The following OPCML variants were observed in gnomAD, a reference collection of about 807,000 sequenced individuals.
The protein encoded by OPCML is opioid-binding protein/cell adhesion molecule.
In OPCML, 13 loss-of-function variants were observed where a neutral mutation model predicts 37.8. The ratio of observed to expected loss-of-function variants is 0.34; its 90% CI spans 0.22 to 0.55. The LOEUF (loss-of-function observed/expected upper bound fraction) is 0.55, where lower values mean the gene tolerates loss of function less well. Ranked by LOEUF, OPCML falls within the 20% of genes least tolerant of loss-of-function variation. OPCML has a pLI of 0.91. For synonymous variants in OPCML, 176 were observed against 168.8 expected, an observed-to-expected ratio of 1.04 and a Z score of -0.33; for missense variants, 341 against 435.6, an observed-to-expected ratio of 0.78 and a Z score of 1.93.
intron 2 of OPCML, among the ~76,000 whole-genome samples, chr11:132,675,159 G>A (rs987243386): frequency 2.0e-5 from 2 of 101,514 alleles, no homozygotes; most frequent in African/African-American, 7.6e-5. Context: ...ATATGTATGT[G>A]TGTGTGTGTG....
At chr11:132,789,660 T>C (rs1004829555) in intron 2 of OPCML, among the ~76,000 whole-genome samples, 1 of 152,148 alleles carries the variant, frequency 6.6e-6, no homozygotes, top group Admixed American at 6.5e-5. Flanking sequence ...ATATTTTGCA[T>C]GGGAGGAAAT....
intron 1 of OPCML, among the ~76,000 whole-genome samples, chr11:132,967,074 A>G (rs1264766712): frequency 6.6e-6 from 1 of 152,020 alleles, no homozygotes; most frequent in Non-Finnish European, 1.5e-5. Context: ...TACGTGTCAC[A>G]TGCCTTTTTT....
chr11:132,892,238 T>C (rs775216157), intron 2 of OPCML, among the ~76,000 whole-genome samples: 2 of 151,976 alleles, frequency 1.3e-5, no homozygotes, highest in Non-Finnish European at 2.9e-5. Context: ...AAGGCAGACT[T>C]CTCCCCTAGA....
At chr11:132,613,455 C>T (rs559374157) in intron 3 of OPCML, among the ~76,000 whole-genome samples, 2 of 152,342 alleles carry the variant, frequency 1.3e-5, no homozygotes, top group East Asian at 3.9e-4. Context: ...ACAAAGCCAG[C>T]TAATTGATTT....
rs12222380 is a variant in OPCML, at chr11:132,446,219, G to A, written c.506-8860C>T. On this transcript the variant is annotated intron_variant, in intron 4 of 7. Transcript: ENST00000524381. ...GTTGACTCATTGGGAGTGGTTCTGA[G>A]TGAGTGTCACAGAAACAGCCAGGGT... Among the ~76,000 whole-genome samples the A allele has an allele frequency of 7.4e-4, 110 of 148,222 alleles. 3 individuals carry two copies. The highest frequency in any genetic ancestry group is 6.7e-3 in the Admixed American group (99 of 14,758).
chr11:132,727,410 G>T (rs1944924584), intron 2 of OPCML, among the ~76,000 whole-genome samples: 1 of 152,170 alleles, frequency 6.6e-6, no homozygotes. Flanking sequence ...AAAACAAACA[G>T]GCGTGGAGGC....
chr11:132,645,902 G>T (rs1159284503), intron 3 of OPCML, among the ~76,000 whole-genome samples: 1 of 152,238 alleles, frequency 6.6e-6, no homozygotes, highest in Non-Finnish European at 1.5e-5. Flanking sequence ...AAGGTCTATT[G>T]GACAGTACTG....
chr11:133,258,777 A>C (rs2136451391), intron 1 of OPCML, among the ~76,000 whole-genome samples: 1 of 152,122 alleles, frequency 6.6e-6, no homozygotes, highest in Middle Eastern at 3.4e-3. Context: ...AGCTACCCCC[A>C]GCACTGCCAG....
At chr11:133,224,829 T>C in intron 1 of OPCML, among the ~76,000 whole-genome samples, 1 of 152,244 alleles carries the variant, frequency 6.6e-6, no homozygotes, top group East Asian at 1.9e-4. Context: ...CCAAGGAATT[T>C]GGAGCTAGTA....
At chr11:132,750,146 C>A (rs1389335883) in intron 2 of OPCML, among the ~76,000 whole-genome samples, 1 of 152,092 alleles carries the variant, frequency 6.6e-6, no homozygotes, top group South Asian at 2.1e-4. Flanking sequence ...ACCAGCCTAA[C>A]CATTGAATGT....
intron 1 of OPCML, among the ~76,000 whole-genome samples, chr11:133,347,469 A>G (rs1565584946): frequency 6.6e-6 from 1 of 152,246 alleles, no homozygotes; most frequent in African/African-American, 2.4e-5. Context: ...GTAGGCTTGT[A>G]ACAAAAGCAG....
At chr11:132,955,674 G>C (rs535508673) in intron 1 of OPCML, among the ~76,000 whole-genome samples, 28 of 152,216 alleles carry the variant, frequency 1.8e-4, no homozygotes, top group African/African-American at 6.3e-4. Flanking sequence ...ATGAGGTCAG[G>C]AGTTCGAGAC....
At chr11:132,786,515 C>A (rs1947216897) in intron 2 of OPCML, among the ~76,000 whole-genome samples, 1 of 152,124 alleles carries the variant, frequency 6.6e-6, no homozygotes, top group African/African-American at 2.4e-5. Flanking sequence ...GTTCCCCTTG[C>A]CTTTCTTACC....
chr11:133,018,049 G>A (rs974887155), intron 1 of OPCML, among the ~76,000 whole-genome samples: 18 of 152,290 alleles, frequency 1.2e-4, no homozygotes, highest in Admixed American at 1.1e-3. Flanking sequence ...GGCTGTACAG[G>A]CAGGCAGGAA....
chr11:133,358,074 C>T (rs576864425), intron 1 of OPCML, among the ~76,000 whole-genome samples: 18 of 152,312 alleles, frequency 1.2e-4, no homozygotes, highest in African/African-American at 3.8e-4. Flanking sequence ...ACAGCAATAT[C>T]GTCTTCATAG....
At chr11:133,469,230 C>T (rs780112129) in intron 1 of OPCML, among the ~76,000 whole-genome samples, 2 of 152,214 alleles carry the variant, frequency 1.3e-5, no homozygotes, top group Non-Finnish European at 2.9e-5. Context: ...TGATGGACCA[C>T]ATATATGATA....
chr11:132,881,709 T>C (rs1943231617), intron 2 of OPCML, among the ~76,000 whole-genome samples: 1 of 152,226 alleles, frequency 6.6e-6, no homozygotes. Flanking sequence ...CACCAGTGAT[T>C]GCAAAAACGC....
chr11:133,400,301 C>G (rs1003925675), intron 1 of OPCML, among the ~76,000 whole-genome samples: 3 of 152,154 alleles, frequency 2.0e-5, no homozygotes, highest in Admixed American at 6.6e-5. Flanking sequence ...TCCACTTGAT[C>G]CTGACCAACG....
chr11:133,261,489 C>G (rs138991381), intron 1 of OPCML, among the ~76,000 whole-genome samples: 1 of 151,726 alleles, frequency 6.6e-6, no homozygotes. Context: ...GGTCTGCGTC[C>G]GGCTCTCTTC....
Sources: allele counts gnomAD v4.1 joint callset (sites outside exome capture counted in the v4.1 genomes callset), GRCh38; gene constraint gnomAD v4.1.1; transcripts MANE v1.5; gene names NCBI Gene and HGNC (gene_info 2026-07-23, HGNC 2026-07-21).